Variants in ARK2C observed in about 807,000 individuals in gnomAD.
ARK2C encodes the protein E3 ubiquitin-protein ligase ARK2C.
the ARK2C span, among the ~76,000 whole-genome samples, chr18:46,415,268 C>A: frequency 6.6e-6 from 1 of 152,178 alleles, no homozygotes; most frequent in African/African-American, 2.4e-5. Flanking sequence ...CACCTGTAAT[C>A]CCAACACTTT....
the ARK2C span, among the ~76,000 whole-genome samples, chr18:46,416,025 G>C: frequency 4.6e-5 from 7 of 152,324 alleles, no homozygotes; most frequent in South Asian, 8.3e-4. Context: ...CAGCCTTCCT[G>C]ACTTTGCTGC....
the ARK2C span, among the ~76,000 whole-genome samples, chr18:46,414,309 A>G: frequency 6.6e-6 from 1 of 152,224 alleles, no homozygotes; most frequent in Non-Finnish European, 1.5e-5. Context: ...GGTAAACAGC[A>G]GATGTTTATA....
chr18:46,453,103 G>A, the ARK2C span, among the ~76,000 whole-genome samples: 2 of 152,146 alleles, frequency 1.3e-5, no homozygotes, highest in South Asian at 2.1e-4. Context: ...CAAAGACTGT[G>A]AATCAGTATA....
At chr18:46,420,689 A>G in the ARK2C span, among the ~76,000 whole-genome samples, 165 of 152,248 alleles carry the variant, frequency 1.1e-3, no homozygotes, top group Non-Finnish European at 2.1e-3. Context: ...TACTAAAAAT[A>G]CAAAAATTAG....
chr18:46,365,398 T>G, the ARK2C span, among the ~76,000 whole-genome samples: 1 of 152,166 alleles, frequency 6.6e-6, no homozygotes, highest in Admixed American at 6.5e-5. Flanking sequence ...TCTCCACTAA[T>G]GAACAGATGT....
chr18:46,389,256 AAACTG>A, the ARK2C span, among the ~76,000 whole-genome samples: 1 of 152,264 alleles, frequency 6.6e-6, no homozygotes, highest in Non-Finnish European at 1.5e-5. Flanking sequence ...AAAGGTTTCC[AAACTG>A]AAAGATAGAG....
the ARK2C span, among the ~76,000 whole-genome samples, chr18:46,417,403 C>T: frequency 1.3e-5 from 2 of 152,250 alleles, no homozygotes; most frequent in Non-Finnish European, 2.9e-5. Flanking sequence ...AAACTCCTAC[C>T]ACTCAAGCCT....
chr18:46,399,948 C>A, the ARK2C span, among the ~76,000 whole-genome samples: 1 of 152,176 alleles, frequency 6.6e-6, no homozygotes, highest in Non-Finnish European at 1.5e-5. Context: ...TGAAACCCTG[C>A]AAGGTGATCA....
chr18:46,420,584 C>T, the ARK2C span, among the ~76,000 whole-genome samples: 1 of 152,008 alleles, frequency 6.6e-6, no homozygotes, highest in Non-Finnish European at 1.5e-5. Context: ...GTGGCTCACG[C>T]CTGTAATCTC....
chr18:46,354,881 T>C, the ARK2C span, among the ~76,000 whole-genome samples: 2 of 152,180 alleles, frequency 1.3e-5, no homozygotes, highest in African/African-American at 4.8e-5. Flanking sequence ...CAAACATCAG[T>C]GCCAAGTTTG....
At chr18:46,370,402 C>T in the ARK2C span, among the ~76,000 whole-genome samples, 1 of 152,146 alleles carries the variant, frequency 6.6e-6, no homozygotes, top group Non-Finnish European at 1.5e-5. Flanking sequence ...GTGTCTTCAA[C>T]CAATTCTTTA....
At chr18:46,410,960 T>C in the ARK2C span, among the ~76,000 whole-genome samples, 12 of 152,170 alleles carry the variant, frequency 7.9e-5, no homozygotes, top group Non-Finnish European at 1.3e-4. Context: ...GTGCTGGCTG[T>C]GCATGGGTGG....
the ARK2C span, among the ~76,000 whole-genome samples, chr18:46,369,034 A>C: frequency 6.6e-6 from 1 of 152,244 alleles, no homozygotes; most frequent in Admixed American, 6.5e-5. Context: ...GTGTTACTCT[A>C]CAGAGATTAA....
At chr18:46,370,956 A>C in the ARK2C span, among the ~76,000 whole-genome samples, 1 of 152,198 alleles carries the variant, frequency 6.6e-6, no homozygotes, top group Non-Finnish European at 1.5e-5. Flanking sequence ...ACTGCTAATA[A>C]AGACGTACGC....
chr18:46,437,437 G>A, the ARK2C span, among the ~76,000 whole-genome samples: 1 of 152,118 alleles, frequency 6.6e-6, no homozygotes, highest in Admixed American at 6.5e-5. Flanking sequence ...CCTCTGCAAG[G>A]AGCCCTGGGG....
the ARK2C span, chr18:46,337,422 A>T: frequency 1.0e-6 from 1 of 985,134 alleles, no homozygotes; most frequent in African/African-American, 1.7e-5. Flanking sequence ...TACATCCCCC[A>T]GTTGACAATG....
chr18:46,431,114 A>G, the ARK2C span, among the ~76,000 whole-genome samples: 1 of 151,212 alleles, frequency 6.6e-6, no homozygotes, highest in East Asian at 1.9e-4. Flanking sequence ...TCATTGTTCA[A>G]CTCCCACTTA....
the ARK2C span, among the ~76,000 whole-genome samples, chr18:46,416,655 G>A: frequency 1.3e-5 from 2 of 152,226 alleles, no homozygotes; most frequent in African/African-American, 4.8e-5. Flanking sequence ...TTTGGGTTGG[G>A]CTCAGCTGGG....
chr18:46,441,514 A>G, the ARK2C span, among the ~76,000 whole-genome samples: 1 of 152,224 alleles, frequency 6.6e-6, no homozygotes, highest in African/African-American at 2.4e-5. Flanking sequence ...CATTCCTCAT[A>G]TGAGTAATTT....
Sources: allele counts gnomAD v4.1 joint callset (sites outside exome capture counted in the v4.1 genomes callset), GRCh38; gene constraint gnomAD v4.1.1; transcripts MANE v1.5; gene names NCBI Gene and HGNC (gene_info 2026-07-23, HGNC 2026-07-21).